ZNF185: variants seen among roughly 807,000 people sequenced by gnomAD.
ZNF185 encodes the protein zinc finger protein 185 with LIM domain, also known as zinc finger protein 185.
ZNF185 carries 56 observed loss-of-function variants against 58.6 expected under a neutral mutation model. That is an observed-to-expected ratio of 0.95 (90% CI 0.77 to 1.19). The LOEUF is 1.19. Ranked by LOEUF, ZNF185 falls within the 50% of genes most tolerant of loss-of-function variation. The pLI is 0.00. For missense variants in ZNF185, 627 were observed against 573.5 expected (o/e 1.09, Z -0.95); for synonymous variants, 230 against 215.9 (o/e 1.07, Z -0.57).
intron 14 of ZNF185, among the ~76,000 whole-genome samples, chrX:152,937,484 C>A (rs1321124710): frequency 1.8e-5 from 2 of 110,093 alleles, no homozygotes; most frequent in Admixed American, 9.6e-5. Context: ...TCTGTCCTGG[C>A]TCCCCTCTGT....
At chrX:152,937,943 A>T in intron 14 of ZNF185, 131 bp from the exon 17 acceptor site, 1 of 574,454 alleles carries the variant, frequency 1.7e-6, no homozygotes. Context: ...TAATGCCAGG[A>T]CTGAGACACC....
rs782691261 is a variant in ZNF185, at chrX:152,928,763, A to G, written c.917+102A>G. ...GATGAGGCCTAGGGCCGGCTCTGCC[A>G]CTGTAGGGCCAACAGGTTGATGGGA... On this transcript the variant is annotated intron_variant, in intron 12 of 22. Transcript: ENST00000449285. 6.1e-3 allele frequency: 5,101 copies of G among 839,906 alleles called. 16 individuals carry two copies. Among genetic ancestry groups the G allele is most frequent in the South Asian group, 8.3e-3 (330 of 39,990 alleles). 69.2% of individuals were successfully genotyped at this position (839,906 alleles called of 1,213,427 possible). A position where few individuals can be genotyped will look rare whatever the true frequency, so the allele number is the denominator to read the frequency against.
chrX:152,969,345 C>G (rs2050437910), intron 20 of ZNF185, 37 bp from the exon 23 acceptor site: 2 of 1,130,618 alleles, frequency 1.8e-6, no homozygotes, highest in African/African-American at 1.8e-5. Flanking sequence ...GTCTGTACAC[C>G]AGCCTGACCA....
chrX:152,972,719 T>C (rs1341430485), exon 23 of ZNF185: 1 of 111,352 alleles, frequency 9.0e-6, no homozygotes, highest in African/African-American at 3.3e-5. Context: ...GGAAACTCGT[T>C]GGATGGCTGG....
chrX:152,936,177 C>G (rs2046257148), intron 14 of ZNF185, among the ~76,000 whole-genome samples: 1 of 112,735 alleles, frequency 8.9e-6, no homozygotes, highest in South Asian at 3.6e-4. Context: ...AGGTAACATG[C>G]CCAATGTCAC....
At chrX:152,930,452 G>A (rs1556876371) in intron 12 of ZNF185, among the ~76,000 whole-genome samples, 1 of 111,842 alleles carries the variant, frequency 8.9e-6, no homozygotes, top group African/African-American at 3.3e-5. Flanking sequence ...GCCAATGGAA[G>A]CTGGGCACCG....
rs782454646 is a variant in ZNF185, at chrX:152,937,982, C to G, written c.1122-92C>G. The G allele has an allele frequency of 2.6e-5, 23 of 879,461 alleles. No individual in the cohort carries two copies. The South Asian group carries it at 3.7e-4, about 14-fold the overall frequency. The allele number at this position is 879,461 out of a possible 1,213,427, so 72.5% of individuals were successfully genotyped here. A position where few individuals can be genotyped will look rare whatever the true frequency, so the allele number is the denominator to read the frequency against. ...CTTTACTGGAAGACACAGTTCCTCCCTTTCTGGTGAGAAGGCAGCCTGGAG... is the reference window on the plus strand; with the variant it reads ...CTTTACTGGAAGACACAGTTCCTCCGTTTCTGGTGAGAAGGCAGCCTGGAG... On this transcript the variant is annotated intron_variant, in intron 14 of 22. Transcript: ENST00000449285.
At chrX:152,918,648 A>G (rs1939034942) in intron 6 of ZNF185, among the ~76,000 whole-genome samples, 2 of 112,143 alleles carry the variant, frequency 1.8e-5, no homozygotes, top group African/African-American at 6.5e-5. Flanking sequence ...GGTCCCTTTC[A>G]AAGCCCCCCA....
chrX:152,952,164 T>C (rs1411343619), intron 16 of ZNF185, among the ~76,000 whole-genome samples: 1 of 112,443 alleles, frequency 8.9e-6, no homozygotes, highest in Non-Finnish European at 1.9e-5. Flanking sequence ...GCTTGTATTC[T>C]GTTGTATTAT....
At chrX:152,902,656 C>A in the ZNF185 span, among the ~76,000 whole-genome samples, 2 of 112,614 alleles carry the variant, frequency 1.8e-5, no homozygotes, top group African/African-American at 6.5e-5. Context: ...CCGATCCCCC[C>A]AGCACCCAGC....
intron 15 of ZNF185, among the ~76,000 whole-genome samples, chrX:152,939,209 G>C (rs1199308578): frequency 9.0e-6 from 1 of 111,416 alleles, no homozygotes; most frequent in Admixed American, 9.6e-5. Flanking sequence ...CTTAAACCAA[G>C]ATGCTGGGGG....
intron 15 of ZNF185, among the ~76,000 whole-genome samples, chrX:152,943,043 G>A (rs782187670): frequency 9.9e-5 from 11 of 110,829 alleles, no homozygotes; most frequent in East Asian, 2.8e-4. Flanking sequence ...CACTTCTGTC[G>A]CCCCAGACTG....
the ZNF185 span, among the ~76,000 whole-genome samples, chrX:152,904,150 C>T: frequency 7.1e-5 from 8 of 111,943 alleles, no homozygotes; most frequent in Admixed American, 1.9e-4. Flanking sequence ...GGCCTCCAGG[C>T]GAGAGCCCCT....
At chrX:152,949,966 G>C (rs1315063238) in intron 16 of ZNF185, among the ~76,000 whole-genome samples, 1 of 111,285 alleles carries the variant, frequency 9.0e-6, no homozygotes, top group Non-Finnish European at 1.9e-5. Flanking sequence ...GGCCATGGGA[G>C]ATTGAGTTTT....
In ZNF185 at chrX:152,914,940, G is replaced by A. The variant is rs887562323; in HGVS notation, c.158+107G>A. ...AGGGGCTTCCACCATTCAGAGCTCC[G>A]CCAGGCCATGTGGAGGGCAGAGCGT... On this transcript the variant is annotated intron_variant, in intron 2 of 22. Coordinates refer to ENST00000449285, the Ensembl canonical transcript of ZNF185. 7.6e-6 allele frequency: 8 copies of A among 1,059,561 alleles called. 1 individual carries two copies. Among genetic ancestry groups the A allele is most frequent in the African/African-American group, 5.5e-5 (3 of 54,185 alleles). The allele number at this position is 1,059,561 out of a possible 1,213,427, so 87.3% of individuals were successfully genotyped here.
chrX:152,939,529 G>C (rs185229676), intron 15 of ZNF185, among the ~76,000 whole-genome samples: 17 of 112,229 alleles, frequency 1.5e-4, no homozygotes, highest in African/African-American at 5.2e-4. Flanking sequence ...TTGGAGCCTA[G>C]TCTCAAGACC....
intron 16 of ZNF185, among the ~76,000 whole-genome samples, chrX:152,959,149 C>T (rs1260190802): frequency 8.9e-6 from 1 of 112,542 alleles, no homozygotes; most frequent in Non-Finnish European, 1.9e-5. Flanking sequence ...CCTGGCCCTT[C>T]CCCCCTTTGT....
chrX:152,963,113 C>T (rs1465660524), intron 17 of ZNF185, among the ~76,000 whole-genome samples: 1 of 113,098 alleles, frequency 8.8e-6, no homozygotes, highest in Non-Finnish European at 1.9e-5. Context: ...GTCAGTGGTG[C>T]TGCCCAACAT....
the ZNF185 span, among the ~76,000 whole-genome samples, chrX:152,903,422 G>GA: frequency 1.9e-5 from 2 of 102,644 alleles, no homozygotes; most frequent in Non-Finnish European, 4.0e-5. Context: ...AAAAGAAAAG[G>GA]AAAAAAAAGA....
Sources: allele counts gnomAD v4.1 joint callset (sites outside exome capture counted in the v4.1 genomes callset), GRCh38; gene constraint gnomAD v4.1.1; transcripts MANE v1.5; gene names NCBI Gene and HGNC (gene_info 2026-07-23, HGNC 2026-07-21).